The following IL31RA variants were observed in gnomAD, a reference collection of about 807,000 sequenced individuals.
IL31RA encodes the protein interleukin-31 receptor subunit alpha.
Under a neutral mutation model 83.7 loss-of-function variants are expected in IL31RA, and 66 were observed. That is an observed-to-expected ratio of 0.79 (90% CI 0.65 to 0.97). IL31RA has a LOEUF of 0.97. Among genes scored for constraint, IL31RA ranks in the 50% least tolerant of loss-of-function variants. The pLI is 0.00. For missense variants in IL31RA, 798 were observed against 919.4 expected (o/e 0.87, Z 1.71); for synonymous variants, 325 against 329.0 (o/e 0.99, Z 0.13).
rs987724969 is a variant in IL31RA at position 55,908,613 on chromosome 5, C to T, written c.1501+202C>T. On this transcript the variant is annotated intron_variant, in intron 11 of 14. Transcript: ENST00000652347. ...TGGGGGTTAAATGAGAGTGAAGTGACAGTACCTGAGAGGAGAGTCCTGAGG... is the reference window on the plus strand; with the variant it reads ...TGGGGGTTAAATGAGAGTGAAGTGATAGTACCTGAGAGGAGAGTCCTGAGG... The T allele has an allele frequency of 3.9e-6, 6 of 1,550,276 alleles. 1 individual carries two copies. Among genetic ancestry groups the T allele is most frequent in the Middle Eastern group, 1.7e-4 (1 of 5,994 alleles).
the IL31RA span, among the ~76,000 whole-genome samples, chr5:55,845,602 C>T: frequency 4.6e-5 from 7 of 152,092 alleles, no homozygotes; most frequent in African/African-American, 1.2e-4. Flanking sequence ...TGGGATCTCA[C>T]GGTTTTTTAA....
intron 4 of IL31RA, among the ~76,000 whole-genome samples, chr5:55,875,831 A>T (rs1196762660): frequency 1.3e-5 from 2 of 152,150 alleles, no homozygotes; most frequent in Non-Finnish European, 2.9e-5. Context: ...AACTTTGAGG[A>T]GGAATTTTGG....
intron 7 of IL31RA, 104 bp downstream of exon 7, chr5:55,896,533 TC>T (rs1451229636): frequency 1.7e-3 from 958 of 566,472 alleles, no homozygotes; most frequent in Non-Finnish European, 2.5e-3. Flanking sequence ...CTCCTTCCCT[TC>T]CCTTCCCTTC....
intron 14 of IL31RA, among the ~76,000 whole-genome samples, chr5:55,915,398 G>A (rs985969340): frequency 3.3e-5 from 5 of 152,176 alleles, no homozygotes; most frequent in African/African-American, 1.2e-4. Context: ...GGCTGGGGAC[G>A]TCAGAGTCAG....
intron 6 of IL31RA, among the ~76,000 whole-genome samples, chr5:55,892,749 C>G (rs1748084317): frequency 6.6e-6 from 1 of 152,186 alleles, no homozygotes; most frequent in South Asian, 2.1e-4. Context: ...TTATCACAGA[C>G]CAGCCAGTCC....
intron 2 of IL31RA, among the ~76,000 whole-genome samples, chr5:55,867,561 T>A (rs1418696959): frequency 6.6e-6 from 1 of 152,194 alleles, no homozygotes; most frequent in Non-Finnish European, 1.5e-5. Context: ...GAAGACCTAA[T>A]AATTGCCTTA....
the IL31RA span, among the ~76,000 whole-genome samples, chr5:55,846,315 T>C: frequency 1.2e-4 from 19 of 152,360 alleles, no homozygotes; most frequent in African/African-American, 4.3e-4. Context: ...CTGTAAATAT[T>C]GAAGGCATAA....
the IL31RA span, among the ~76,000 whole-genome samples, chr5:55,844,210 A>G: frequency 6.6e-6 from 1 of 152,168 alleles, no homozygotes; most frequent in African/African-American, 2.4e-5. Context: ...TAAGAGAAAA[A>G]AACCCCCACC....
rs112989426 is a variant in IL31RA, at chr5:55,916,798, C to A, written c.1973C>A (p.Thr658Lys). ...LQEIFTDEAR[T>K]GQENNLGGEK... is the part of the protein sequence containing the mutation. ...GAAATTTTCACAGATGAAGCCAGAA[C>A]GGGTCAGGAAAACAATTTAGGAGGG... is the stretch of plus-strand genomic sequence containing the variant. Residue 658 changes from threonine to lysine, a missense_variant, in exon 15 of 15, where the codon ACG (threonine) becomes AAG (lysine). Coordinates refer to ENST00000652347, the MANE Select transcript of IL31RA (RefSeq NM_139017.7). The A allele has an allele frequency of 5.4e-5, 87 of 1,614,012 alleles. No individual in the cohort carries two copies. The highest frequency in any genetic ancestry group is 7.1e-5 in the Non-Finnish European group (84 of 1,180,036).
intron 8 of IL31RA, among the ~76,000 whole-genome samples, chr5:55,901,579 CTAT>C (rs1561113813): frequency 7.6e-6 from 1 of 131,494 alleles, no homozygotes; most frequent in East Asian, 2.1e-4. Context: ...CTAATTATTA[CTAT>C]TGTCATTATT....
At chr5:55,904,181 TG>T (rs1561116424) in intron 8 of IL31RA, among the ~76,000 whole-genome samples, 1 of 152,182 alleles carries the variant, frequency 6.6e-6, no homozygotes, top group Non-Finnish European at 1.5e-5. Context: ...GTATATACTT[TG>T]GGGGGATACA....
Position 55,906,094 on chromosome 5 carries a change from C to G in IL31RA, c.1070-12C>G. On this transcript the variant is annotated splice_polypyrimidine_tract_variant and intron_variant, in intron 8 of 14. Coordinates refer to ENST00000652347, the MANE Select transcript of IL31RA (RefSeq NM_139017.7). ...TGGGTAGCTGTGAAGCAGTCCTTTT[C>G]TCTCCTTTCAGCATTTCAGTGCATT... 1 of 1,613,984 alleles carries G rather than the reference C, an allele frequency of 6.2e-7. No individual in the cohort carries two copies. Among genetic ancestry groups the G allele is most frequent in the Non-Finnish European group, 8.5e-7 (1 of 1,179,870 alleles).
intron 2 of IL31RA, among the ~76,000 whole-genome samples, chr5:55,864,175 C>T (rs11748828): frequency 0.6 from 91,015 of 151,986 alleles, 28,508 homozygotes; most frequent in Middle Eastern, 0.71. Context: ...TGAAATCCTC[C>T]GGCGAGTTAG....
chr5:55,864,616 CCACA>C (rs1179193738), intron 2 of IL31RA, among the ~76,000 whole-genome samples: 2 of 150,586 alleles, frequency 1.3e-5, no homozygotes, highest in East Asian at 2.0e-4. Context: ...ACCATACACA[CCACA>C]CACACACAGA....
Position 55,917,289 on chromosome 5 carries a change from C to T in IL31RA, c.*169C>T. 1.3e-6 allele frequency: 2 copies of T among 1,526,272 alleles called. No individual in the cohort carries two copies. The highest frequency in any genetic ancestry group is 2.4e-5 in the East Asian group (1 of 42,198). The allele number at this position is 1,526,272 out of a possible 1,614,324, so 94.5% of individuals were successfully genotyped here. A position where few individuals can be genotyped will look rare whatever the true frequency, so the allele number is the denominator to read the frequency against. On this transcript the variant is annotated 3_prime_UTR_variant, in exon 15 of 15. Transcript: ENST00000652347. ...TGAACTTGGTCGGCAAAGATGCGAC[C>T]TTGTACTGGGAAGAAGGGATGGTGA...
intron 1 of IL31RA, among the ~76,000 whole-genome samples, chr5:55,857,810 A>G (rs1036384217): frequency 3.3e-5 from 5 of 152,292 alleles, no homozygotes; most frequent in Non-Finnish European, 5.9e-5. Flanking sequence ...GAACTAGAAT[A>G]TGAGCTCTTT....
At chr5:55,855,417 T>C (rs968016500) in intron 1 of IL31RA, among the ~76,000 whole-genome samples, 1 of 152,148 alleles carries the variant, frequency 6.6e-6, no homozygotes, top group African/African-American at 2.4e-5. Flanking sequence ...AGTTCTATAC[T>C]GCAGGAGATA....
chr5:55,860,949 G>T (rs1265687775), intron 2 of IL31RA, among the ~76,000 whole-genome samples: 1 of 152,126 alleles, frequency 6.6e-6, no homozygotes, highest in Non-Finnish European at 1.5e-5. Flanking sequence ...CTCTTCACAT[G>T]GTCATCCCTC....
rs1417857119 is a variant in IL31RA at position 55,868,775 on chromosome 5, T to C, written c.155-16T>C. 5 of 1,326,418 alleles carry C rather than the reference T, an allele frequency of 3.8e-6. No individual in the cohort carries two copies. Among genetic ancestry groups the C allele is most frequent in the Admixed American group, 1.7e-5 (1 of 59,656 alleles). 82.2% of individuals were successfully genotyped at this position (1,326,418 alleles called of 1,614,324 possible). A position where few individuals can be genotyped will look rare whatever the true frequency, so the allele number is the denominator to read the frequency against. ...AAATTTTTGTGTTTGTGTGTGTGTG[T>C]GTTTAATTTATTTAGCTCTGCCAGC... On this transcript the variant is annotated splice_polypyrimidine_tract_variant and intron_variant, in intron 2 of 14. Coordinates refer to ENST00000652347, the MANE Select transcript of IL31RA (RefSeq NM_139017.7).
Sources: allele counts gnomAD v4.1 joint callset (sites outside exome capture counted in the v4.1 genomes callset), GRCh38; gene constraint gnomAD v4.1.1; transcripts MANE v1.5; gene names NCBI Gene and HGNC (gene_info 2026-07-23, HGNC 2026-07-21).